Variants in SDCCAG8 observed in about 807,000 individuals in gnomAD.
The protein encoded by SDCCAG8 is serologically defined colon cancer antigen 8.
Under a neutral mutation model 101.8 loss-of-function variants are expected in SDCCAG8, and 74 were observed. That is an observed-to-expected ratio of 0.73 (90% CI 0.60 to 0.88). The LOEUF is 0.88. Among genes scored for constraint, SDCCAG8 ranks in the 40% least tolerant of loss-of-function variants. SDCCAG8 has a pLI of 0.00. For missense variants in SDCCAG8, 787 were observed against 822.6 expected, an observed-to-expected ratio of 0.96 and a Z score of 0.53; for synonymous variants, 281 against 292.9, an observed-to-expected ratio of 0.96 and a Z score of 0.41.
chr1:243,433,772 G>T (rs1242004522), intron 16 of SDCCAG8, among the ~76,000 whole-genome samples: 1 of 152,150 alleles, frequency 6.6e-6, no homozygotes, highest in African/African-American at 2.4e-5. Flanking sequence ...CCTGGGTAGT[G>T]ATGACCAGAA....
At chr1:243,417,117 A>G (rs1349198792) in intron 14 of SDCCAG8, among the ~76,000 whole-genome samples, 1 of 152,232 alleles carries the variant, frequency 6.6e-6, no homozygotes, top group Non-Finnish European at 1.5e-5. Context: ...AATTCCCTCT[A>G]TCACTTTCAG....
chr1:243,342,476 G>A (rs1337500420), intron 11 of SDCCAG8, among the ~76,000 whole-genome samples: 2 of 152,226 alleles, frequency 1.3e-5, no homozygotes, highest in African/African-American at 4.8e-5. Context: ...GCAGGGAACT[G>A]TAGGAGTGAA....
chr1:243,498,604 T>A (rs2148325024), intron 17 of SDCCAG8, among the ~76,000 whole-genome samples: 1 of 152,340 alleles, frequency 6.6e-6, no homozygotes, highest in Middle Eastern at 3.4e-3. Flanking sequence ...CACTGGGAAA[T>A]CTACTTGAAA....
chr1:243,443,202 C>T (rs116176733), intron 16 of SDCCAG8, among the ~76,000 whole-genome samples: 116 of 152,246 alleles, frequency 7.6e-4, no homozygotes, highest in African/African-American at 2.7e-3. Flanking sequence ...AACTTTCTCT[C>T]AGTGACATGT....
chr1:243,273,176 A>G (rs1161583705), intron 3 of SDCCAG8, among the ~76,000 whole-genome samples: 1 of 152,206 alleles, frequency 6.6e-6, no homozygotes, highest in Non-Finnish European at 1.5e-5. Context: ...TCTTAAATAT[A>G]CCAAAAAACC....
Position 243,426,435 on chromosome 1 carries a change from T to C in SDCCAG8, c.1862T>C (p.Ile621Thr). 4 of 1,613,348 alleles carry C rather than the reference T, an allele frequency of 2.5e-6. No individual in the cohort carries two copies. Among genetic ancestry groups the C allele is most frequent in the Non-Finnish European group, 3.4e-6 (4 of 1,179,400 alleles). ...EQISQKTRSE[I>T]AQLSQEKRYT... ...TGTGTTTTCACCTCTAGATCTGAAA[T>C]AGCTCAACTCAGTCAAGAAAAAAGG... Residue 621 changes from isoleucine (I) to threonine (T), a missense_variant, in exon 16 of 18, where the codon ATA becomes ACA. Ile to Thr is a moderately conservative substitution (Grantham distance 89). Coordinates refer to ENST00000366541, the MANE Select transcript of SDCCAG8 (RefSeq NM_006642.5).
intron 1 of SDCCAG8, among the ~76,000 whole-genome samples, chr1:243,269,844 C>T (rs1476911001): frequency 1.3e-5 from 2 of 151,968 alleles, no homozygotes; most frequent in Non-Finnish European, 2.9e-5. Context: ...TAATCCTTGC[C>T]GGTGGTGCTA....
At chr1:243,297,910 G>T (rs2071091980) in intron 6 of SDCCAG8, among the ~76,000 whole-genome samples, 1 of 151,988 alleles carries the variant, frequency 6.6e-6, no homozygotes, top group South Asian at 2.1e-4. Flanking sequence ...TAGTTTGCTT[G>T]CTTGCTTTGA....
intron 12 of SDCCAG8, among the ~76,000 whole-genome samples, chr1:243,357,893 T>A (rs2076479483): frequency 6.6e-6 from 1 of 152,100 alleles, no homozygotes; most frequent in Non-Finnish European, 1.5e-5. Flanking sequence ...TACCCACAGG[T>A]AAAAGAAAGA....
At chr1:243,303,109 T>C (rs1322649391) in intron 6 of SDCCAG8, among the ~76,000 whole-genome samples, 1 of 152,176 alleles carries the variant, frequency 6.6e-6, no homozygotes, top group Non-Finnish European at 1.5e-5. Flanking sequence ...CGAGAGCTAA[T>C]AGACACCACA....
At chr1:243,466,892 G>T (rs933685085) in intron 16 of SDCCAG8, among the ~76,000 whole-genome samples, 1 of 152,210 alleles carries the variant, frequency 6.6e-6, no homozygotes, top group Non-Finnish European at 1.5e-5. Context: ...ATTAATGAGA[G>T]GCAGATAATT....
At chr1:243,336,996 G>C (rs2075054973) in intron 10 of SDCCAG8, among the ~76,000 whole-genome samples, 2 of 152,070 alleles carry the variant, frequency 1.3e-5, no homozygotes, top group South Asian at 4.1e-4. Context: ...AAGCTCTTTG[G>C]TGTAATTAGG....
intron 13 of SDCCAG8, among the ~76,000 whole-genome samples, chr1:243,386,976 AG>A (rs909929924): frequency 1.6e-4 from 24 of 152,218 alleles, no homozygotes; most frequent in African/African-American, 5.5e-4. Context: ...CCAAGAAGAA[AG>A]AGAGGCTTTT....
At chr1:243,314,961 C>T (rs970600784) in intron 8 of SDCCAG8, among the ~76,000 whole-genome samples, 2 of 152,214 alleles carry the variant, frequency 1.3e-5, no homozygotes, top group African/African-American at 2.4e-5. Context: ...CCGCCCACCT[C>T]GGCCTCCCAA....
chr1:243,366,085 A>G (rs1402619994), intron 12 of SDCCAG8, among the ~76,000 whole-genome samples: 1 of 152,136 alleles, frequency 6.6e-6, no homozygotes, highest in Non-Finnish European at 1.5e-5. Context: ...AATACATTTA[A>G]TAATGAAAAA....
At chr1:243,368,407 G>A (rs991164556) in intron 12 of SDCCAG8, among the ~76,000 whole-genome samples, 1 of 152,064 alleles carries the variant, frequency 6.6e-6, no homozygotes, top group Non-Finnish European at 1.5e-5. Context: ...AACATTATAA[G>A]ACCATCATAT....
intron 1 of SDCCAG8, among the ~76,000 whole-genome samples, chr1:243,264,755 C>A (rs531842508): frequency 4.6e-5 from 7 of 152,296 alleles, no homozygotes; most frequent in African/African-American, 1.7e-4. Flanking sequence ...CTTGCACTTA[C>A]GTTCATGTGA....
At chr1:243,491,615 C>T (rs760472702) in intron 17 of SDCCAG8, among the ~76,000 whole-genome samples, 3 of 152,318 alleles carry the variant, frequency 2.0e-5, no homozygotes, top group Non-Finnish European at 4.4e-5. Context: ...TAGGGGCTGT[C>T]AGTGGGCTTC....
intron 9 of SDCCAG8, among the ~76,000 whole-genome samples, chr1:243,325,332 T>A (rs2074073346): frequency 6.6e-6 from 1 of 152,180 alleles, no homozygotes; most frequent in African/African-American, 2.4e-5. Flanking sequence ...CAAAATGTAT[T>A]GCAAGTCTAG....
Sources: gnomAD v4.1 joint callset for allele counts (sites outside exome capture counted in the v4.1 genomes callset) on GRCh38, gnomAD v4.1.1 for gene constraint, MANE v1.5 for transcripts, NCBI Gene and HGNC (gene_info 2026-07-23, HGNC 2026-07-21) for gene names.